The following LUZP2 variants were observed in gnomAD, a reference collection of about 807,000 sequenced individuals.
The protein encoded by LUZP2 is leucine zipper protein 2.
A neutral mutation model predicts 51.6 loss-of-function variants in LUZP2; 52 were observed. The ratio of observed to expected loss-of-function variants is 1.01; its 90% CI spans 0.81 to 1.27. The LOEUF is 1.27. Ranked by LOEUF, LUZP2 falls within the 50% of genes most tolerant of loss-of-function variation. The pLI is 0.00. For missense variants in LUZP2, 436 were observed against 395.4 expected (o/e 1.10, Z -0.87); for synonymous variants, 154 against 137.3 (o/e 1.12, Z -0.85).
intron 1 of LUZP2, among the ~76,000 whole-genome samples, chr11:24,501,400 G>T (rs974999827): frequency 6.6e-6 from 1 of 152,164 alleles, no homozygotes; most frequent in Non-Finnish European, 1.5e-5. Context: ...CCATGTAATT[G>T]AAAGGAAGAA....
At position 24,959,884 on chromosome 11, in the gene LUZP2, G is replaced by A. The variant is rs1423974274; in HGVS notation, c.523-16707G>A. Among the ~76,000 whole-genome samples the A allele has an allele frequency of 3.9e-5, 6 of 152,084 alleles. No individual in the cohort carries two copies. In the South Asian group the frequency reaches 1.0e-3, roughly 26 times the overall value. On this transcript the variant is annotated intron_variant, in intron 7 of 11. Coordinates refer to ENST00000336930, the MANE Select transcript of LUZP2 (RefSeq NM_001009909.4). ...GCCCATTCAATATGATATTGCTGTG[G>A]GTTTGTCATAGATAGCTCTTATTAT... is the stretch of plus-strand genomic sequence containing the variant.
At chr11:25,050,665 A>G (rs1329734287) in intron 10 of LUZP2, among the ~76,000 whole-genome samples, 1 of 152,152 alleles carries the variant, frequency 6.6e-6, no homozygotes, top group Non-Finnish European at 1.5e-5. Context: ...CTAGATTCTT[A>G]GGACAACTGT....
intron 1 of LUZP2, among the ~76,000 whole-genome samples, chr11:24,509,825 A>T (rs1002374179): frequency 2.0e-5 from 3 of 152,002 alleles, no homozygotes; most frequent in Non-Finnish European, 4.4e-5. Context: ...CTCTATGTCT[A>T]CCTTTCTCTC....
intron 5 of LUZP2, among the ~76,000 whole-genome samples, chr11:24,846,486 TTAAAA>T (rs1733461152): frequency 6.6e-6 from 1 of 151,898 alleles, no homozygotes. Context: ...CATTCACCTT[TTAAAA>T]TAAAATAGAA....
intron 1 of LUZP2, among the ~76,000 whole-genome samples, chr11:24,524,445 T>G (rs930705162): frequency 2.0e-5 from 3 of 151,780 alleles, no homozygotes; most frequent in African/African-American, 4.8e-5. Context: ...TTATTGACTC[T>G]GAGGCATCTA....
intron 1 of LUZP2, among the ~76,000 whole-genome samples, chr11:24,687,952 C>A (rs765551473): frequency 5.3e-5 from 8 of 152,058 alleles, no homozygotes; most frequent in Admixed American, 1.3e-4. Context: ...TGCCTGGAGA[C>A]AAGTTTCGGC....
intron 5 of LUZP2, among the ~76,000 whole-genome samples, chr11:24,769,631 G>A (rs1053257375): frequency 6.6e-6 from 1 of 150,772 alleles, no homozygotes; most frequent in African/African-American, 2.4e-5. Context: ...ACATGGAAGA[G>A]AAGGGAAAGA....
chr11:24,758,765 T>A (rs76807762), intron 4 of LUZP2, among the ~76,000 whole-genome samples: 1,748 of 152,098 alleles, frequency 0.011, 38 homozygotes, highest in African/African-American at 0.04. Context: ...TACTATGGAT[T>A]TTTTTCTATC....
At chr11:24,900,111 T>C (rs1349924327) in intron 5 of LUZP2, among the ~76,000 whole-genome samples, 1 of 152,162 alleles carries the variant, frequency 6.6e-6, no homozygotes, top group Non-Finnish European at 1.5e-5. Flanking sequence ...TGATTTCGAA[T>C]GTATACTGAA....
chr11:24,691,895 A>G (rs2133890230), intron 1 of LUZP2, among the ~76,000 whole-genome samples: 1 of 152,022 alleles, frequency 6.6e-6, no homozygotes, highest in East Asian at 1.9e-4. Flanking sequence ...GCCAGCATTC[A>G]CAAGAATAAA....
chr11:24,522,222 A>G (rs950486450), intron 1 of LUZP2, among the ~76,000 whole-genome samples: 1 of 152,130 alleles, frequency 6.6e-6, no homozygotes, highest in African/African-American at 2.4e-5. Flanking sequence ...ATTCATAACA[A>G]TATTTAGCAC....
intron 5 of LUZP2, among the ~76,000 whole-genome samples, chr11:24,814,518 A>G (rs1850115076): frequency 6.6e-6 from 1 of 152,198 alleles, no homozygotes; most frequent in Non-Finnish European, 1.5e-5. Flanking sequence ...TGAATTTTCT[A>G]TGGAGAACAG....
intron 5 of LUZP2, among the ~76,000 whole-genome samples, chr11:24,872,417 C>G (rs538370108): frequency 1.6e-4 from 25 of 152,134 alleles, no homozygotes; most frequent in Admixed American, 1.3e-3. Context: ...AATCTAAAAG[C>G]TTTGTTCCCT....
intron 1 of LUZP2, among the ~76,000 whole-genome samples, chr11:24,661,008 T>C (rs1856003524): frequency 6.6e-6 from 1 of 152,196 alleles, no homozygotes; most frequent in South Asian, 2.1e-4. Flanking sequence ...AGCCGTACAT[T>C]GCTCAGTAAT....
chr11:24,665,768 A>T (rs991082793), intron 1 of LUZP2, among the ~76,000 whole-genome samples: 1 of 152,132 alleles, frequency 6.6e-6, no homozygotes, highest in Non-Finnish European at 1.5e-5. Context: ...AAATTTGCTG[A>T]GTACCACCGC....
chr11:24,657,789 C>G (rs1364917842), intron 1 of LUZP2, among the ~76,000 whole-genome samples: 1 of 152,118 alleles, frequency 6.6e-6, no homozygotes. Context: ...CATTAACAAA[C>G]AGAGAGCCAA....
intron 9 of LUZP2, among the ~76,000 whole-genome samples, chr11:25,025,692 A>G (rs990704573): frequency 1.3e-5 from 2 of 152,154 alleles, no homozygotes; most frequent in African/African-American, 2.4e-5. Context: ...TACACTGTTG[A>G]TGGGACTGTA....
At chr11:24,859,060 T>C (rs1430221822) in intron 5 of LUZP2, among the ~76,000 whole-genome samples, 1 of 152,168 alleles carries the variant, frequency 6.6e-6, no homozygotes. Flanking sequence ...TACTCACCCA[T>C]TATTAGGTTC....
chr11:24,673,102 C>T (rs1049643521), intron 1 of LUZP2, among the ~76,000 whole-genome samples: 29 of 152,138 alleles, frequency 1.9e-4, no homozygotes, highest in African/African-American at 7.0e-4. Flanking sequence ...CCACCCCCAC[C>T]CTTCCTCCAT....
Sources: gnomAD v4.1 joint callset for allele counts (sites outside exome capture counted in the v4.1 genomes callset) on GRCh38, gnomAD v4.1.1 for gene constraint, MANE v1.5 for transcripts, NCBI Gene and HGNC (gene_info 2026-07-23, HGNC 2026-07-21) for gene names.